UBTD2: variants seen among roughly 807,000 people sequenced by gnomAD.
The protein encoded by UBTD2 is ubiquitin domain containing 2, also known as ubiquitin domain-containing protein 2.
A neutral mutation model predicts 19.8 loss-of-function variants in UBTD2; 9 were observed. The ratio of observed to expected loss-of-function variants is 0.46; its 90% confidence interval spans 0.27 to 0.79. UBTD2 has a LOEUF of 0.79. Ranked by LOEUF, UBTD2 falls within the 30% of genes least tolerant of loss-of-function variation. The pLI is 0.14. For synonymous variants in UBTD2, 98 were observed against 103.9 expected (o/e 0.94, Z 0.35); for missense variants, 250 against 300.4 (o/e 0.83, Z 1.24).
chr5:172,254,995 C>A, intron 1 of UBTD2: 1 of 560,180 alleles, frequency 1.8e-6, no homozygotes, highest in South Asian at 1.5e-5. Context: ...GCACCACCAC[C>A]GGCTGGATGA....
intron 2 of UBTD2, among the ~76,000 whole-genome samples, chr5:172,224,050 A>C (rs1195345449): frequency 6.6e-6 from 1 of 152,142 alleles, no homozygotes; most frequent in Non-Finnish European, 1.5e-5. Flanking sequence ...GACTGAGAGA[A>C]GTTTCAGTGG....
intron 1 of UBTD2, among the ~76,000 whole-genome samples, chr5:172,276,209 T>C (rs1755600409): frequency 6.6e-6 from 1 of 151,636 alleles, no homozygotes; most frequent in South Asian, 2.1e-4. Flanking sequence ...GGGCAGAGAT[T>C]TTTTTTTCCC....
intron 2 of UBTD2, among the ~76,000 whole-genome samples, chr5:172,219,442 G>C (rs1771610099): frequency 6.6e-6 from 1 of 152,104 alleles, no homozygotes; most frequent in African/African-American, 2.4e-5. Flanking sequence ...ATCTGGCCTG[G>C]GACATGAATC....
At chr5:172,277,860 A>T (rs1475605839) in intron 1 of UBTD2, among the ~76,000 whole-genome samples, 1 of 152,008 alleles carries the variant, frequency 6.6e-6, no homozygotes, top group East Asian at 1.9e-4. Flanking sequence ...TCAAAAAAAA[A>T]AAAAAAGCCA....
intron 1 of UBTD2, among the ~76,000 whole-genome samples, chr5:172,253,010 G>C (rs1179875121): frequency 6.6e-6 from 1 of 152,178 alleles, no homozygotes; most frequent in African/African-American, 2.4e-5. Context: ...AAAGACAGAA[G>C]TATCTTAGAT....
At chr5:172,261,747 C>T (rs1007548624) in intron 1 of UBTD2, among the ~76,000 whole-genome samples, 2 of 152,096 alleles carry the variant, frequency 1.3e-5, no homozygotes, top group Admixed American at 1.3e-4. Context: ...GCCTTAGCCT[C>T]CTTAGTAGCT....
At chr5:172,279,964 G>A (rs1047681761) in intron 1 of UBTD2, among the ~76,000 whole-genome samples, 18 of 152,214 alleles carry the variant, frequency 1.2e-4, no homozygotes, top group South Asian at 4.1e-4. Context: ...AGCCAGGCAC[G>A]GTGGCGCACG....
chr5:172,256,664 T>C (rs1755159895), intron 1 of UBTD2, among the ~76,000 whole-genome samples: 3 of 152,082 alleles, frequency 2.0e-5, no homozygotes, highest in Admixed American at 6.6e-5. Flanking sequence ...TTCACACCTG[T>C]AATCCCAGCA....
intron 2 of UBTD2, among the ~76,000 whole-genome samples, chr5:172,233,674 A>G (rs1771949870): frequency 6.6e-6 from 1 of 152,142 alleles, no homozygotes; most frequent in South Asian, 2.1e-4. Context: ...GAGAAAGTAT[A>G]ATGACTAAAA....
At chr5:172,256,531 T>C (rs1400798474) in intron 1 of UBTD2, among the ~76,000 whole-genome samples, 7 of 49,534 alleles carry the variant, frequency 1.4e-4, no homozygotes, top group Admixed American at 5.3e-4. Context: ...CATGCCCAGC[T>C]TTTTTTTTTT....
Position 172,283,537 on chromosome 5 carries a change from G to A in UBTD2, c.70+59C>T. Reference sequence around the variant, plus strand: ...GCGCGGCCCGCGGGGGTCGGGACAGGTGGCCGGGCCTGGCCGGGAACAATG... The same window carrying A: ...GCGCGGCCCGCGGGGGTCGGGACAGATGGCCGGGCCTGGCCGGGAACAATG... On this transcript the variant is annotated intron_variant, in intron 1 of 2. Transcript: ENST00000393792. The surrounding 1 kb of genome is among the most constrained non-coding windows in gnomAD (Gnocchi z 4.3). 1 of 1,246,112 alleles carries A rather than the reference G, an allele frequency of 8.0e-7. No homozygotes were observed. The highest frequency in any genetic ancestry group is 1.0e-6 in the Non-Finnish European group (1 of 984,528). The allele number at this position is 1,246,112 out of a possible 1,614,324, so 77.2% of individuals were successfully genotyped here.
intron 1 of UBTD2, among the ~76,000 whole-genome samples, chr5:172,256,025 G>A (rs1755140560): frequency 6.6e-6 from 1 of 151,214 alleles, no homozygotes; most frequent in Non-Finnish European, 1.5e-5. Flanking sequence ...GGAGGCGAAG[G>A]TTGCAGTGAG....
chr5:172,267,527 G>A (rs140168161), intron 1 of UBTD2, among the ~76,000 whole-genome samples: 4 of 152,250 alleles, frequency 2.6e-5, no homozygotes, highest in African/African-American at 9.6e-5. Context: ...CTCAGTATAC[G>A]CTCTCATCAA....
chr5:172,266,455 G>A (rs1755377311), intron 1 of UBTD2, among the ~76,000 whole-genome samples: 1 of 152,142 alleles, frequency 6.6e-6, no homozygotes, highest in Non-Finnish European at 1.5e-5. Context: ...CATCTATTCT[G>A]GTTCCTACTT....
chr5:172,256,175 A>T (rs767045743), intron 1 of UBTD2, among the ~76,000 whole-genome samples: 1 of 152,164 alleles, frequency 6.6e-6, no homozygotes, highest in Non-Finnish European at 1.5e-5. Context: ...AAAAGCTAAC[A>T]ATGACATTCC....
At chr5:172,261,970 A>G (rs137876288) in intron 1 of UBTD2, among the ~76,000 whole-genome samples, 11 of 151,824 alleles carry the variant, frequency 7.2e-5, no homozygotes, top group African/African-American at 2.7e-4. Flanking sequence ...CCAACCAAAA[A>G]CTCCCACCAT....
chr5:172,257,035 C>A (rs182599251), intron 1 of UBTD2, among the ~76,000 whole-genome samples: 1 of 152,014 alleles, frequency 6.6e-6, no homozygotes, highest in Non-Finnish European at 1.5e-5. Context: ...AGGTTTGTTA[C>A]GTGGGTAAAT....
intron 1 of UBTD2, among the ~76,000 whole-genome samples, chr5:172,262,467 A>T (rs1246702859): frequency 6.6e-6 from 1 of 150,838 alleles, no homozygotes; most frequent in South Asian, 2.1e-4. Flanking sequence ...AAAAAAAAAA[A>T]ACAAGAAAAT....
chr5:172,250,830 G>C (rs1754988636), intron 1 of UBTD2, among the ~76,000 whole-genome samples: 1 of 151,406 alleles, frequency 6.6e-6, no homozygotes, highest in Non-Finnish European at 1.5e-5. Flanking sequence ...CTACTCAGGA[G>C]GCTGAGGTGG....
Sources: gnomAD v4.1 joint callset for allele counts (sites outside exome capture counted in the v4.1 genomes callset) on GRCh38, gnomAD v4.1.1 for gene constraint, Gnocchi (gnomAD v3.1) non-coding constraint, MANE v1.5 for transcripts, NCBI Gene and HGNC (gene_info 2026-07-23, HGNC 2026-07-21) for gene names.